KIF5A: variants seen among roughly 807,000 people sequenced by gnomAD.
KIF5A encodes the protein kinesin family member 5A, also known as kinesin heavy chain isoform 5A.
Under a neutral mutation model 141.3 loss-of-function variants are expected in KIF5A, and 35 were observed. The ratio of observed to expected loss-of-function variants is 0.25; its 90% CI spans 0.19 to 0.33. The LOEUF (loss-of-function observed/expected upper bound fraction) is 0.33. KIF5A is among the 10% of genes least tolerant of loss of function. The probability of loss-of-function intolerance (pLI) is 1.00; values close to 1 mark genes in which losing one functional copy is unlikely to be tolerated. For missense variants in KIF5A, 861 were observed against 1,314.3 expected, an observed-to-expected ratio of 0.66 and a Z score of 5.33; for synonymous variants, 448 against 500.2, an observed-to-expected ratio of 0.90 and a Z score of 1.39.
chr12:57,579,529 CCT>C (rs1882530817), intron 23 of KIF5A, among the ~76,000 whole-genome samples: 2 of 151,822 alleles, frequency 1.3e-5, no homozygotes, highest in Non-Finnish European at 2.9e-5. Context: ...GAATCCTAAA[CCT>C]GTGCCCAGTG....
intron 16 of KIF5A, 68 bp from the exon 17 acceptor site, chr12:57,575,572 A>T: frequency 7.7e-7 from 1 of 1,291,630 alleles, no homozygotes; most frequent in Non-Finnish European, 1.1e-6. Flanking sequence ...CTGGAGTTGG[A>T]GATCTGTGTG....
Position 57,575,639 on chromosome 12 carries a change from G to A in KIF5A, c.1906-1G>A. On this transcript the variant is annotated splice_acceptor_variant, in intron 16 of 28. Transcript: ENST00000455537. LOFTEE classifies it high-confidence loss of function. ...TCCTCTCACCAACTTTCTCCCACCA[G>A]CATGAGGCCAAGATCCGCTCGCTTA... The A allele has an allele frequency of 6.2e-7, 1 of 1,613,788 alleles. No individual in the cohort carries two copies. Among genetic ancestry groups the A allele is most frequent in the Non-Finnish European group, 8.5e-7 (1 of 1,179,722 alleles).
chr12:57,580,886 C>T (rs557822434), intron 23 of KIF5A, 70 bp from the exon 24 acceptor site: 36 of 1,418,830 alleles, frequency 2.5e-5, no homozygotes, highest in East Asian at 1.4e-4. Context: ...CTGTCCCCTA[C>T]GCTCCTCTGG....
Position 57,575,042 on chromosome 12 carries a change from C to T in KIF5A, c.1717-42C>T, listed in dbSNP as rs758264460. ...GGTGGGAGGGAACAGATAAAGCTTC[C>T]CAGCAGCCAAGAAGCATCTCTTCCT... is the stretch of plus-strand genomic sequence containing the variant. On this transcript the variant is annotated intron_variant, in intron 15 of 28. Coordinates refer to ENST00000455537, the MANE Select transcript of KIF5A (RefSeq NM_004984.4). 5.0e-5 allele frequency: 79 copies of T among 1,590,640 alleles called. 1 individual carries two copies. The South Asian group carries it at 6.2e-4, about 12-fold the overall frequency.
Position 57,572,157 on chromosome 12 carries a change from G to A in KIF5A, c.1459G>A (p.Val487Met). The change falls in exon 14 of 29, where the codon GTG (valine) becomes ATG (methionine). Residue 487 changes from valine (V) to methionine (M), a missense_variant. Around this residue, in one of 5 missense-constraint regions of KIF5A, gnomAD observed 167 missense variants for 192.0 expected, o/e 0.87. Transcript: ENST00000455537. The surrounding 1 kb of genome is among the most constrained non-coding windows in gnomAD (Gnocchi z 4.2). ...TGCCGCTAAGGATGAGGTGAAGGAA[G>A]TGCTGCAGGCCCTGGAGGAGCTGGC... is the stretch of plus-strand genomic sequence containing the variant. ...NDAAKDEVKE[V>M]LQALEELAVN... 1.2e-6 allele frequency: 2 copies of A among 1,614,156 alleles called. No homozygotes were observed. The highest frequency in any genetic ancestry group is 1.1e-5 in the South Asian group (1 of 91,050).
intron 19 of KIF5A, 124 bp from the exon 20 acceptor site, chr12:57,576,637 G>T: frequency 1.3e-6 from 1 of 787,360 alleles, no homozygotes; most frequent in Non-Finnish European, 2.2e-6. Flanking sequence ...GTATCTGAAG[G>T]TGGACACATC....
intron 8 of KIF5A, among the ~76,000 whole-genome samples, 173 bp downstream of exon 8, chr12:57,567,791 G>C (rs1219565390): frequency 8.6e-5 from 13 of 151,546 alleles, no homozygotes; most frequent in Non-Finnish European, 1.6e-4. Flanking sequence ...CTTCCAAGTA[G>C]CTGGGATTAC....
chr12:57,556,299 C>T (rs1428403931), intron 1 of KIF5A, among the ~76,000 whole-genome samples: 1 of 151,998 alleles, frequency 6.6e-6, no homozygotes, highest in African/African-American at 2.4e-5. Flanking sequence ...CCACCACGCC[C>T]GGCTAATTTT....
At chr12:57,563,039 G>A (rs1319256575) in intron 1 of KIF5A, among the ~76,000 whole-genome samples, 33 of 145,298 alleles carry the variant, frequency 2.3e-4, no homozygotes, top group Admixed American at 7.7e-4. Context: ...ATGGAGTCTC[G>A]CTCTATCGCC....
At position 57,569,253 on chromosome 12, in the gene KIF5A, C is replaced by T. The variant is rs1882167753; in HGVS notation, c.820-3C>T. On this transcript the variant is annotated splice_region_variant and splice_polypyrimidine_tract_variant and intron_variant, in intron 9 of 28. Coordinates refer to ENST00000455537, the MANE Select transcript of KIF5A (RefSeq NM_004984.4). ...CTGATTCCTGGTCTCCTTCCTCCCC[C>T]AGAAAAGCTATGTTCCATATCGTGA... The T allele has an allele frequency of 1.2e-6, 2 of 1,613,900 alleles. No homozygotes were observed. Among genetic ancestry groups the T allele is most frequent in the Non-Finnish European group, 8.5e-7 (1 of 1,179,924 alleles).
intron 23 of KIF5A, among the ~76,000 whole-genome samples, chr12:57,580,361 G>A (rs908025705): frequency 6.6e-6 from 1 of 152,166 alleles, no homozygotes; most frequent in African/African-American, 2.4e-5. Context: ...AAATGTTTGT[G>A]AGACCTCAAA....
intron 6 of KIF5A, among the ~76,000 whole-genome samples, chr12:57,566,525 C>G (rs908772858): frequency 7.2e-5 from 11 of 151,942 alleles, no homozygotes; most frequent in Non-Finnish European, 1.3e-4. Flanking sequence ...ATTCTCCTGC[C>G]TCAGCCTCCT....
At chr12:57,566,754 A>G (rs561835856) in intron 6 of KIF5A, among the ~76,000 whole-genome samples, 108 of 152,054 alleles carry the variant, frequency 7.1e-4, no homozygotes, top group African/African-American at 2.3e-3. Flanking sequence ...ATAAAAATAA[A>G]TACAAAGCAG....
intron 4 of KIF5A, 101 bp from the exon 5 acceptor site, chr12:57,564,359 C>T: frequency 9.0e-7 from 1 of 1,108,896 alleles, no homozygotes; most frequent in Non-Finnish European, 1.4e-6. Flanking sequence ...CTGTTCTTTT[C>T]CTCCCACCAC....
chr12:57,563,897 C>T (rs1881986108), intron 3 of KIF5A, among the ~76,000 whole-genome samples: 1 of 152,194 alleles, frequency 6.6e-6, no homozygotes, highest in Admixed American at 6.5e-5. Flanking sequence ...TTCCACTACT[C>T]CAGTCTTCTT....
chr12:57,558,142 C>T (rs1881800555), intron 1 of KIF5A, among the ~76,000 whole-genome samples: 2 of 151,984 alleles, frequency 1.3e-5, no homozygotes, highest in Non-Finnish European at 2.9e-5. Context: ...TGTGGTGGCT[C>T]ATGCCTGTAA....
chr12:57,571,982 G>A, intron 13 of KIF5A, 79 bp from the exon 14 acceptor site: 1 of 1,206,726 alleles, frequency 8.3e-7, no homozygotes, highest in South Asian at 1.3e-5. Flanking sequence ...TAGGGTGGGG[G>A]CTCAGCTTCC....
At position 57,575,770 on chromosome 12, in the gene KIF5A, T is replaced by G. The variant is rs1256210735; in HGVS notation, c.2023+13T>G. On this transcript the variant is annotated intron_variant, in intron 17 of 28. Transcript: ENST00000455537. ...CTCCAGGCCCAGGGTGAGGCCTTCT[T>G]ATACCTCCATCCCACTGTCCAGGGC... 1.3e-6 allele frequency: 2 copies of G among 1,543,340 alleles called. No individual in the cohort carries two copies. Among genetic ancestry groups the G allele is most frequent in the South Asian group, 2.2e-5 (2 of 89,604 alleles).
intron 25 of KIF5A, 53 bp from the exon 26 acceptor site, chr12:57,581,817 A>G: frequency 6.7e-7 from 1 of 1,491,400 alleles, no homozygotes; most frequent in African/African-American, 1.4e-5. Flanking sequence ...AGTGGTCCTC[A>G]GACTAGTGGA....
Sources: allele counts gnomAD v4.1 joint callset (sites outside exome capture counted in the v4.1 genomes callset), GRCh38; gene constraint gnomAD v4.1.1; regional missense constraint gnomAD v4.1.1; non-coding constraint Gnocchi (gnomAD v3.1); transcripts MANE v1.5; gene names NCBI Gene and HGNC (gene_info 2026-07-23, HGNC 2026-07-21).